Variants in MDM1 observed in about 807,000 individuals in gnomAD.
MDM1 encodes stabilizer of axonemal microtubules 6, also known as Mdm1 nuclear protein.
A neutral mutation model predicts 89.1 loss-of-function variants in MDM1; 61 were observed. The ratio of observed to expected loss-of-function variants is 0.68; its 90% CI spans 0.56 to 0.85. The LOEUF (loss-of-function observed/expected upper bound fraction) is 0.85, where lower values mean the gene tolerates loss of function less well. Ranked by LOEUF, MDM1 falls within the 40% of genes least tolerant of loss-of-function variation. The pLI is 0.00. For synonymous variants in MDM1, 290 were observed against 294.1 expected (o/e 0.99, Z 0.14); for missense variants, 820 against 846.5 (o/e 0.97, Z 0.39).
At chr12:68,325,321 T>C (rs1422553433) in intron 4 of MDM1, 120 bp downstream of exon 4, 8 of 1,371,208 alleles carry the variant, frequency 5.8e-6, no homozygotes, top group Non-Finnish European at 7.6e-6. Flanking sequence ...ATTTTGGTTT[T>C]CTAGAACCTA....
rs1442177146 is a variant in MDM1 at position 68,313,817 on chromosome 12, C to T, written c.1530-64G>A. On this transcript the variant is annotated intron_variant, in intron 10 of 14. Coordinates refer to ENST00000682720, the MANE Select transcript of MDM1 (RefSeq NM_001354969.2). Reference sequence around the variant, plus strand: ...CCTCGAGAAAATATGATAAAAAATACTTTGCCATCATTGTGCAATAATAAA... The same window carrying T: ...CCTCGAGAAAATATGATAAAAAATATTTTGCCATCATTGTGCAATAATAAA... 10 of 1,360,240 alleles carry T rather than the reference C, an allele frequency of 7.4e-6. No individual in the cohort carries two copies. The African/African-American group carries it at 1.3e-4, about 18-fold the overall frequency. The allele number at this position is 1,360,240 out of a possible 1,614,324, so 84.3% of individuals were successfully genotyped here.
rs557047352 is a variant in MDM1, at chr12:68,305,972, A to G, written c.1750-3100T>C. 7.4e-4 allele frequency among the ~76,000 whole-genome samples: 112 copies of G among 152,130 alleles called. 1 individual carries two copies. In the South Asian group the frequency reaches 0.017, roughly 23 times the overall value. On this transcript the variant is annotated intron_variant, in intron 12 of 14. Coordinates refer to ENST00000682720, the MANE Select transcript of MDM1 (RefSeq NM_001354969.2). ...CTAAGCAAAAAAAAAAAGGAAAAAA[A>G]AAAGAACAAAGCTGGAGGCATTACA...
At chr12:68,325,120 A>AT (rs1875774591) in intron 4 of MDM1, 1 of 968,828 alleles carries the variant, frequency 1.0e-6, no homozygotes, top group African/African-American at 1.8e-5. Context: ...AATAAAATCA[A>AT]TTTAATAATT....
At chr12:68,324,182 T>C (rs904669798) in intron 4 of MDM1, among the ~76,000 whole-genome samples, 1 of 152,116 alleles carries the variant, frequency 6.6e-6, no homozygotes, top group African/African-American at 2.4e-5. Context: ...GTGATTTCTC[T>C]TATAAAAGTA....
intron 13 of MDM1, 118 bp downstream of exon 13, chr12:68,302,502 A>T: frequency 1.1e-6 from 1 of 952,018 alleles, no homozygotes; most frequent in Non-Finnish European, 1.5e-6. Flanking sequence ...TTTTATTAAT[A>T]CATTAACCAA....
chr12:68,316,407 A>C, intron 8 of MDM1, 154 bp from the exon 9 acceptor site: 1 of 969,788 alleles, frequency 1.0e-6, no homozygotes, highest in Non-Finnish European at 1.5e-6. Flanking sequence ...CTGTGCATTT[A>C]AGCAAAAACT....
At position 68,325,152 on chromosome 12, in the gene MDM1, T is replaced by C. The variant is rs1294001435; in HGVS notation, c.633+289A>G. The stretch of plus-strand genomic sequence containing the variant: ...AATTTTTTAATAAGTAAAAAAATCT[T>C]GTAGCATGCAAAAACTTACCAGTTC... On this transcript the variant is annotated intron_variant, in intron 4 of 14. Coordinates refer to ENST00000682720, the MANE Select transcript of MDM1 (RefSeq NM_001354969.2). 4 of 1,023,308 alleles carry C rather than the reference T, an allele frequency of 3.9e-6. No homozygotes were observed. The African/African-American group carries it at 5.1e-5, about 13-fold the overall frequency. 63.4% of individuals were successfully genotyped at this position (1,023,308 alleles called of 1,614,324 possible). A position where few individuals can be genotyped will look rare whatever the true frequency, so the allele number is the denominator to read the frequency against.
At chr12:68,317,732 A>C (rs1393676942) in intron 7 of MDM1, among the ~76,000 whole-genome samples, 1 of 152,244 alleles carries the variant, frequency 6.6e-6, no homozygotes, top group African/African-American at 2.4e-5. Flanking sequence ...TGCATTTAAC[A>C]GGTAGAAGTG....
Position 68,321,452 on chromosome 12 carries a change from A to G in MDM1, c.906-6T>C. The G allele has an allele frequency of 6.2e-7, 1 of 1,612,666 alleles. No individual in the cohort carries two copies. The highest frequency in any genetic ancestry group is 1.1e-5 in the South Asian group (1 of 90,990). The stretch of plus-strand genomic sequence containing the variant: ...TATATTCGGAATTCACCTTCCTAAT[A>G]GAAATGAAATGAAAGTAAATATTTC... On this transcript the variant is annotated splice_polypyrimidine_tract_variant and splice_region_variant and intron_variant, in intron 6 of 14. Coordinates refer to ENST00000682720, the MANE Select transcript of MDM1 (RefSeq NM_001354969.2).
chr12:68,332,203 T>G, intron 1 of MDM1, 25 bp downstream of exon 1: 1 of 1,546,942 alleles, frequency 6.5e-7, no homozygotes, highest in Non-Finnish European at 8.7e-7. Flanking sequence ...CCAGCCACAT[T>G]CCGGCCCGGG....
chr12:68,318,273 C>T (rs1214651851), intron 7 of MDM1, among the ~76,000 whole-genome samples: 24 of 152,080 alleles, frequency 1.6e-4, no homozygotes, highest in Non-Finnish European at 2.9e-5. Flanking sequence ...GGTAGATTGA[C>T]GGGGCAGTGG....
intron 12 of MDM1, among the ~76,000 whole-genome samples, chr12:68,307,937 CAAA>C (rs555138792): frequency 1.4e-5 from 1 of 69,630 alleles, no homozygotes; most frequent in Non-Finnish European, 2.9e-5. Flanking sequence ...GACCCTGTCT[CAAA>C]AAAAAAAAAA....
intron 10 of MDM1, 127 bp from the exon 11 acceptor site, chr12:68,313,880 G>A (rs552282474): frequency 8.2e-5 from 60 of 732,124 alleles, no homozygotes; most frequent in Admixed American, 3.2e-4. Flanking sequence ...GGTGGCTCAC[G>A]CCCGTAATCC....
intron 2 of MDM1, among the ~76,000 whole-genome samples, chr12:68,330,347 C>A (rs189768624): frequency 2.0e-5 from 3 of 152,144 alleles, no homozygotes; most frequent in African/African-American, 4.8e-5. Flanking sequence ...ATTTCTATAA[C>A]CAGTTACGGG....
At chr12:68,330,986 G>A in intron 2 of MDM1, 121 bp downstream of exon 2, 1 of 662,452 alleles carries the variant, frequency 1.5e-6, no homozygotes, top group Non-Finnish European at 2.7e-6. Flanking sequence ...CAGGCCAACT[G>A]AACTTTTAAT....
chr12:68,295,500 T>G (rs1871256452), intron 14 of MDM1, 134 bp from the exon 15 acceptor site: 2 of 577,584 alleles, frequency 3.5e-6, no homozygotes, highest in Non-Finnish European at 3.1e-6. Context: ...AAAAAAGTAA[T>G]CTACTGAAAT....
Position 68,320,628 on chromosome 12 carries a change from T to G in MDM1, c.1005+719A>C, listed in dbSNP as rs574509179. The stretch of plus-strand genomic sequence containing the variant: ...TCATTCCCCATCCAAATTATCCTTC[T>G]GTTTACAATGACAGGGGGAAGTGGG... On this transcript the variant is annotated intron_variant, in intron 7 of 14. Transcript: ENST00000682720. 9.2e-5 allele frequency among the ~76,000 whole-genome samples: 14 copies of G among 152,326 alleles called. No individual in the cohort carries two copies. In the East Asian group the frequency reaches 2.5e-3, roughly 27 times the overall value.
At chr12:68,332,093 G>C (rs886617289) in intron 1 of MDM1, 135 bp downstream of exon 1, 4 of 1,269,272 alleles carry the variant, frequency 3.2e-6, no homozygotes, top group African/African-American at 1.5e-5. Context: ...GGGGCCCCTC[G>C]AGCAGGCCCT....
At chr12:68,313,370 ATCAT>A (rs1873961819) in intron 12 of MDM1, 69 bp downstream of exon 12, 1 of 1,044,242 alleles carries the variant, frequency 9.6e-7, no homozygotes, top group African/African-American at 1.6e-5. Flanking sequence ...ATCTTAACCC[ATCAT>A]TCATTTATTA....
Sources: allele counts gnomAD v4.1 joint callset (sites outside exome capture counted in the v4.1 genomes callset), GRCh38; gene constraint gnomAD v4.1.1; transcripts MANE v1.5; gene names NCBI Gene and HGNC (gene_info 2026-07-23, HGNC 2026-07-21).